The following ADAMTSL1 variants were observed in gnomAD, a reference collection of about 807,000 sequenced individuals.
ADAMTSL1 encodes the protein ADAMTS-like protein 1.
In ADAMTSL1, 126 loss-of-function variants were observed where a neutral mutation model predicts 201.8. The observed-to-expected ratio is 0.62, with a 90% confidence interval of 0.54 to 0.72. ADAMTSL1 has a LOEUF of 0.72. Ranked by LOEUF, ADAMTSL1 falls within the 30% of genes least tolerant of loss-of-function variation. ADAMTSL1 has a pLI of 0.00. For synonymous variants in ADAMTSL1, 1,121 were observed against 903.4 expected (o/e 1.24, Z -4.32); for missense variants, 2,679 against 2,277.8 (o/e 1.18, Z -3.59).
intron 1 of ADAMTSL1, among the ~76,000 whole-genome samples, chr9:18,124,129 A>G (rs1564012948): frequency 8.8e-6 from 1 of 113,536 alleles, no homozygotes; most frequent in South Asian, 3.0e-4. Flanking sequence ...TGTCTCCAGT[A>G]TGGAGTGCAG....
chr9:18,399,535 G>A (rs1311519145), intron 2 of ADAMTSL1, among the ~76,000 whole-genome samples: 1 of 150,642 alleles, frequency 6.6e-6, no homozygotes, highest in Non-Finnish European at 1.5e-5. Flanking sequence ...TAGAGACAGG[G>A]TTTCACCCTG....
At chr9:18,155,919 G>A (rs894372152) in intron 1 of ADAMTSL1, among the ~76,000 whole-genome samples, 5 of 152,014 alleles carry the variant, frequency 3.3e-5, no homozygotes, top group African/African-American at 1.2e-4. Flanking sequence ...TGGGAAAAAA[G>A]GTGAGGGGTC....
chr9:18,202,273 C>T (rs1240747716), intron 2 of ADAMTSL1, among the ~76,000 whole-genome samples: 1 of 152,108 alleles, frequency 6.6e-6, no homozygotes, highest in Non-Finnish European at 1.5e-5. Flanking sequence ...TTCTTGATTT[C>T]TTCAGTTTGA....
chr9:18,229,898 G>T (rs192887343), intron 2 of ADAMTSL1, among the ~76,000 whole-genome samples: 306 of 151,932 alleles, frequency 2.0e-3, no homozygotes, highest in Middle Eastern at 3.4e-3. Flanking sequence ...GCTTTCACCA[G>T]GTTGGCCAGA....
chr9:18,186,775 C>T (rs1054408705), intron 2 of ADAMTSL1, among the ~76,000 whole-genome samples: 1 of 152,038 alleles, frequency 6.6e-6, no homozygotes, highest in African/African-American at 2.4e-5. Context: ...GGTCATTGGT[C>T]ATGCTGGGAA....
At chr9:18,300,749 T>C (rs1178438886) in intron 2 of ADAMTSL1, among the ~76,000 whole-genome samples, 2 of 152,080 alleles carry the variant, frequency 1.3e-5, no homozygotes, top group Non-Finnish European at 2.9e-5. Context: ...AGGAAATTTC[T>C]GAGATTAAGG....
chr9:18,522,919 A>T (rs1377849666), intron 2 of ADAMTSL1, among the ~76,000 whole-genome samples: 1 of 152,144 alleles, frequency 6.6e-6, no homozygotes, highest in African/African-American at 2.4e-5. Flanking sequence ...ATGTGTCTTT[A>T]TAGCAGTATG....
chr9:18,498,568 C>T (rs1291687332), intron 1 of ADAMTSL1, among the ~76,000 whole-genome samples: 3 of 152,020 alleles, frequency 2.0e-5, no homozygotes, highest in Admixed American at 6.6e-5. Context: ...AAAGTCTTGC[C>T]CTCAGCTGAT....
rs547872520 is a variant in ADAMTSL1 at position 18,221,710 on chromosome 9, T to A, written c.207+57729T>A. ...GTATGTTTATAAATTTCCAAACATA[T>A]TTATCTTTTTGTTATTGGCCTTGTA... On this transcript the variant is annotated intron_variant, in intron 2 of 29. Coordinates refer to the ADAMTSL1 transcript ENST00000680146. Among the ~76,000 whole-genome samples the A allele has an allele frequency of 3.3e-5, 5 of 152,316 alleles. No individual in the cohort carries two copies. In the South Asian group the frequency reaches 8.3e-4, roughly 25 times the overall value.
At chr9:18,441,551 G>T (rs181199440) in intron 2 of ADAMTSL1, among the ~76,000 whole-genome samples, 14 of 152,186 alleles carry the variant, frequency 9.2e-5, no homozygotes, top group Admixed American at 9.2e-4. Flanking sequence ...AATTCACCCT[G>T]GACTGCCACG....
intron 2 of ADAMTSL1, among the ~76,000 whole-genome samples, chr9:18,446,007 C>A (rs145383071): frequency 2.0e-5 from 3 of 152,162 alleles, no homozygotes; most frequent in Non-Finnish European, 4.4e-5. Flanking sequence ...AGATTAGTAA[C>A]CTGCTTAAGA....
chr9:18,671,458 A>G lies in ADAMTSL1; in HGVS notation c.1086-4399A>G, dbSNP rs145477958. Among the ~76,000 whole-genome samples the G allele has an allele frequency of 1.8e-4, 28 of 152,304 alleles. No homozygotes were observed. The East Asian group carries it at 5.0e-3, about 27-fold the overall frequency. ...TCAGGAGGAGATCTACTTGGCAAAC[A>G]TTGCTGGTGTCGAGATGACAACTGG... On this transcript the variant is annotated intron_variant, in intron 9 of 28. Coordinates refer to ENST00000380548, the MANE Select transcript of ADAMTSL1 (RefSeq NM_001040272.6).
intron 1 of ADAMTSL1, among the ~76,000 whole-genome samples, chr9:17,926,293 A>T (rs1421157325): frequency 6.6e-6 from 1 of 152,200 alleles, no homozygotes; most frequent in Admixed American, 6.5e-5. Context: ...TTCGAATGCT[A>T]ATTTTAAAAC....
chr9:18,785,456 T>G (rs1821653125), intron 19 of ADAMTSL1, among the ~76,000 whole-genome samples: 1 of 152,266 alleles, frequency 6.6e-6, no homozygotes, highest in Non-Finnish European at 1.5e-5. Context: ...AAATATGCAC[T>G]AAATTAGGCA....
chr9:18,001,824 G>A (rs550394405), intron 1 of ADAMTSL1, among the ~76,000 whole-genome samples: 1 of 152,118 alleles, frequency 6.6e-6, no homozygotes, highest in South Asian at 2.1e-4. Context: ...GAGTAGGAAT[G>A]CCTGTTAGTT....
At position 18,297,113 on chromosome 9, in the gene ADAMTSL1, C is replaced by G. The variant is rs145760906; in HGVS notation, c.207+133132C>G. On this transcript the variant is annotated intron_variant, in intron 2 of 29. Transcript: ENST00000680146. Reference sequence around the variant, plus strand: ...CTGGGAAATAACAAAATTGGACTAACAGGGTCACGATTTTCCCACATCCCA... The same window carrying G: ...CTGGGAAATAACAAAATTGGACTAAGAGGGTCACGATTTTCCCACATCCCA... Among the ~76,000 whole-genome samples the G allele has an allele frequency of 2.5e-4, 38 of 152,288 alleles. No individual in the cohort carries two copies. In the East Asian group the frequency reaches 4.4e-3, roughly 18 times the overall value.
At chr9:18,337,804 T>C (rs939315802) in intron 2 of ADAMTSL1, among the ~76,000 whole-genome samples, 2 of 152,158 alleles carry the variant, frequency 1.3e-5, no homozygotes, top group African/African-American at 4.8e-5. Context: ...TGATTGTATC[T>C]TCAAAGAGAG....
chr9:18,586,733 G>T (rs768840783), intron 4 of ADAMTSL1, among the ~76,000 whole-genome samples: 1 of 152,104 alleles, frequency 6.6e-6, no homozygotes, highest in Non-Finnish European at 1.5e-5. Context: ...GCATGGTACT[G>T]GTTCAAGAAC....
intron 2 of ADAMTSL1, among the ~76,000 whole-genome samples, chr9:18,392,016 G>C (rs1838071891): frequency 6.6e-6 from 1 of 151,476 alleles, no homozygotes; most frequent in Non-Finnish European, 1.5e-5. Flanking sequence ...GTAGAGACCG[G>C]GGTTTCACCA....
Sources: allele counts gnomAD v4.1 joint callset (sites outside exome capture counted in the v4.1 genomes callset), GRCh38; gene constraint gnomAD v4.1.1; transcripts MANE v1.5; gene names NCBI Gene and HGNC (gene_info 2026-07-23, HGNC 2026-07-21).